The following SPOCK3 variants were observed in gnomAD, a reference collection of about 807,000 sequenced individuals.
The protein encoded by SPOCK3 is SPARC (osteonectin), cwcv and kazal like domains proteoglycan 3, also known as testican-3.
A neutral mutation model predicts 56.6 loss-of-function variants in SPOCK3; 30 were observed. The ratio of observed to expected loss-of-function variants is 0.53; its 90% CI spans 0.40 to 0.72. SPOCK3 has a LOEUF of 0.72. Ranked by LOEUF, SPOCK3 falls within the 30% of genes least tolerant of loss-of-function variation. The pLI, the probability that SPOCK3 is intolerant of heterozygous loss-of-function variation, is 0.00. For synonymous variants in SPOCK3, 196 were observed against 183.3 expected (o/e 1.07, Z -0.56); for missense variants, 527 against 530.0 (o/e 0.99, Z 0.06).
intron 6 of SPOCK3, among the ~76,000 whole-genome samples, chr4:166,824,984 A>G (rs1440119876): frequency 6.6e-6 from 1 of 152,156 alleles, no homozygotes; most frequent in Admixed American, 6.6e-5. Context: ...TAAGAATGGA[A>G]TCACATTTAA....
chr4:166,955,214 T>G (rs1743257386), intron 4 of SPOCK3, among the ~76,000 whole-genome samples: 1 of 151,880 alleles, frequency 6.6e-6, no homozygotes. Context: ...TTTCTATGTC[T>G]AGGAAAATAT....
chr4:166,935,380 G>A (rs116823360), intron 4 of SPOCK3, among the ~76,000 whole-genome samples: 681 of 152,258 alleles, frequency 4.5e-3, no homozygotes, highest in Non-Finnish European at 7.7e-3. Flanking sequence ...ATTTCAGCAT[G>A]AGTACTGTGC....
intron 8 of SPOCK3, among the ~76,000 whole-genome samples, chr4:166,752,573 T>TACACACAC (rs67209921): frequency 3.5e-5 from 1 of 28,896 alleles, no homozygotes; most frequent in South Asian, 1.2e-3. Flanking sequence ...TATATATATA[T>TACACACAC]ACACACACAC....
In SPOCK3 at chr4:167,167,899, A is replaced by G. The variant is rs570190129; in HGVS notation, c.189+66086T>C. Among the ~76,000 whole-genome samples the G allele has an allele frequency of 3.0e-4, 46 of 152,134 alleles. 1 individual carries two copies. The highest frequency in any genetic ancestry group is 1.1e-3 in the African/African-American group (46 of 41,524). ...TCAGCTTGAATTGTAATAACCCCCAAATGCCAAGGTTAGGGCCAGGTGGAG... is the reference window on the plus strand; with the variant it reads ...TCAGCTTGAATTGTAATAACCCCCAGATGCCAAGGTTAGGGCCAGGTGGAG... On this transcript the variant is annotated intron_variant, in intron 2 of 10. Transcript: ENST00000357545.
intron 4 of SPOCK3, among the ~76,000 whole-genome samples, chr4:166,969,867 T>A (rs943039106): frequency 4.6e-5 from 7 of 152,216 alleles, no homozygotes; most frequent in Non-Finnish European, 8.8e-5. Flanking sequence ...GCCTATTATG[T>A]CTTCTAGCAG....
At chr4:166,808,204 TTTGC>T (rs1035304883) in intron 6 of SPOCK3, among the ~76,000 whole-genome samples, 7 of 152,084 alleles carry the variant, frequency 4.6e-5, no homozygotes, top group South Asian at 2.1e-4. Flanking sequence ...TGATTGTTTG[TTTGC>T]TTGTTTTTTT....
chr4:167,124,928 G>C (rs1172159685), intron 2 of SPOCK3, among the ~76,000 whole-genome samples: 1 of 152,028 alleles, frequency 6.6e-6, no homozygotes, highest in African/African-American at 2.4e-5. Flanking sequence ...TTGGGCCTCT[G>C]CTTGAATGTC....
At chr4:166,748,736 A>C (rs1315216626) in intron 8 of SPOCK3, among the ~76,000 whole-genome samples, 1 of 137,180 alleles carries the variant, frequency 7.3e-6, no homozygotes, top group Non-Finnish European at 1.5e-5. Context: ...CAATCTATTC[A>C]TCTGACAAAG....
chr4:167,008,284 G>A (rs1033671424), intron 3 of SPOCK3, among the ~76,000 whole-genome samples: 16 of 151,570 alleles, frequency 1.1e-4, no homozygotes, highest in Admixed American at 8.6e-4. Context: ...ATACCATGTC[G>A]ATCCTACTGT....
At chr4:166,893,572 A>G (rs905999617) in intron 5 of SPOCK3, among the ~76,000 whole-genome samples, 8 of 151,058 alleles carry the variant, frequency 5.3e-5, no homozygotes, top group Admixed American at 2.0e-4. Flanking sequence ...TAGAGAGCTT[A>G]TGCAACTGAT....
At chr4:167,038,613 A>C (rs1752973703) in intron 3 of SPOCK3, among the ~76,000 whole-genome samples, 1 of 149,820 alleles carries the variant, frequency 6.7e-6, no homozygotes, top group Non-Finnish European at 1.5e-5. Context: ...ACCTATAGAG[A>C]ACCTGTGGTC....
intron 2 of SPOCK3, among the ~76,000 whole-genome samples, chr4:167,068,714 C>A (rs1211411580): frequency 6.6e-6 from 1 of 151,602 alleles, no homozygotes; most frequent in Non-Finnish European, 1.5e-5. Context: ...TTTTTTTCAA[C>A]TGTTCCAGTA....
At chr4:166,908,057 A>G (rs1169084992) in intron 5 of SPOCK3, among the ~76,000 whole-genome samples, 1 of 152,040 alleles carries the variant, frequency 6.6e-6, no homozygotes, top group Admixed American at 6.6e-5. Flanking sequence ...CAAACTTCTC[A>G]TGATTAGGTG....
chr4:167,214,583 A>G (rs999714211), intron 2 of SPOCK3, among the ~76,000 whole-genome samples: 2 of 152,138 alleles, frequency 1.3e-5, no homozygotes, highest in Non-Finnish European at 2.9e-5. Flanking sequence ...CATTTTTATT[A>G]TAAAATCAGG....
chr4:166,850,764 T>G, intron 6 of SPOCK3, among the ~76,000 whole-genome samples: 1 of 152,220 alleles, frequency 6.6e-6, no homozygotes, highest in East Asian at 1.9e-4. Flanking sequence ...TCCGACGGGC[T>G]TAAAAAACGG....
rs555275060 is a variant in SPOCK3 at position 167,045,149 on chromosome 4, T to C, written c.235+17343A>G. Among the ~76,000 whole-genome samples the C allele has an allele frequency of 4.5e-4, 68 of 152,240 alleles. 1 individual carries two copies. In the South Asian group the frequency reaches 0.013, roughly 29 times the overall value. On this transcript the variant is annotated intron_variant, in intron 3 of 10. Transcript: ENST00000357545. ...GGAGAATCATTATGTAATGTCCCTC[T>C]TTGTCCCTGATAATTGTCTTTGTTC...
intron 2 of SPOCK3, among the ~76,000 whole-genome samples, chr4:167,110,654 T>C (rs1313094090): frequency 6.6e-6 from 1 of 152,030 alleles, no homozygotes; most frequent in Non-Finnish European, 1.5e-5. Context: ...ACAATACCCA[T>C]TGAACCCCTA....
intron 3 of SPOCK3, among the ~76,000 whole-genome samples, chr4:167,030,816 A>G (rs977108009): frequency 1.3e-5 from 2 of 152,018 alleles, no homozygotes; most frequent in African/African-American, 4.8e-5. Context: ...GTTTTTAAAT[A>G]AAGTTTCTAG....
chr4:166,970,647 C>T (rs983089380), intron 4 of SPOCK3, among the ~76,000 whole-genome samples: 17 of 152,072 alleles, frequency 1.1e-4, no homozygotes, highest in African/African-American at 4.1e-4. Context: ...ATTGCTTGAA[C>T]CCAGGAGGTG....
Sources: gnomAD v4.1 joint callset for allele counts (sites outside exome capture counted in the v4.1 genomes callset) on GRCh38, gnomAD v4.1.1 for gene constraint, MANE v1.5 for transcripts, NCBI Gene and HGNC (gene_info 2026-07-23, HGNC 2026-07-21) for gene names.